Variants in BLTP3B observed in about 807,000 individuals in gnomAD.
The protein encoded by BLTP3B is UHRF1 (ICBP90) binding protein 1-like.
chr12:100,076,245 CATTT>C, the BLTP3B span, among the ~76,000 whole-genome samples: 1 of 151,734 alleles, frequency 6.6e-6, no homozygotes, highest in African/African-American at 2.4e-5. Flanking sequence ...TTATCAGTTT[CATTT>C]ATTTGTTTTA....
the BLTP3B span, among the ~76,000 whole-genome samples, chr12:100,108,042 A>G: frequency 6.6e-5 from 10 of 152,228 alleles, no homozygotes; most frequent in Admixed American, 2.0e-4. Flanking sequence ...ATGCCCAGCA[A>G]CTCACTACAA....
At chr12:100,130,969 G>T in the BLTP3B span, among the ~76,000 whole-genome samples, 13 of 99,034 alleles carry the variant, frequency 1.3e-4, no homozygotes, top group East Asian at 2.4e-4. Context: ...TATAGAGAGA[G>T]AGAGAGAGGG....
At chr12:100,040,532 T>C in the BLTP3B span, among the ~76,000 whole-genome samples, 1 of 151,984 alleles carries the variant, frequency 6.6e-6, no homozygotes, top group East Asian at 1.9e-4. Context: ...GATACAAAAA[T>C]TAACCAGGCA....
the BLTP3B span, among the ~76,000 whole-genome samples, chr12:100,124,936 TTATATATATATATATATATATA>T: frequency 0.067 from 3,773 of 56,558 alleles, 400 homozygotes; most frequent in African/African-American, 0.21. Flanking sequence ...AAAAAAAATT[TTATATATATATATATATATATA>T]TATATATATA....
the BLTP3B span, among the ~76,000 whole-genome samples, chr12:100,089,447 C>A: frequency 1.3e-5 from 2 of 152,064 alleles, no homozygotes; most frequent in Non-Finnish European, 2.9e-5. Context: ...GTAATCCCAG[C>A]TACTTGGGAG....
the BLTP3B span, chr12:100,058,685 A>T: frequency 6.2e-7 from 1 of 1,614,048 alleles, no homozygotes; most frequent in South Asian, 1.1e-5. Flanking sequence ...CTGCACTTCT[A>T]AGTAAAATTC....
At chr12:100,074,418 G>A in the BLTP3B span, among the ~76,000 whole-genome samples, 1 of 152,050 alleles carries the variant, frequency 6.6e-6, no homozygotes, top group Non-Finnish European at 1.5e-5. Flanking sequence ...GGCCAACATG[G>A]CGAAACCCCA....
chr12:100,124,941 T>TATATAC, the BLTP3B span, among the ~76,000 whole-genome samples: 1 of 33,444 alleles, frequency 3.0e-5, no homozygotes, highest in East Asian at 5.8e-4. Context: ...AAATTTTATA[T>TATATAC]ATATATATAT....
the BLTP3B span, chr12:100,084,499 G>A: frequency 6.2e-6 from 10 of 1,613,562 alleles, no homozygotes; most frequent in East Asian, 2.2e-5. Context: ...CTGGGGAGAG[G>A]CATGTGTTGG....
chr12:100,090,492 T>C, the BLTP3B span, among the ~76,000 whole-genome samples: 4 of 152,166 alleles, frequency 2.6e-5, no homozygotes, highest in Non-Finnish European at 4.4e-5. Context: ...ATTAACAATG[T>C]TCAAATTTAG....
the BLTP3B span, chr12:100,039,929 A>G: frequency 3.2e-6 from 2 of 616,758 alleles, no homozygotes; most frequent in Non-Finnish European, 4.7e-6. Flanking sequence ...TAGAACAACC[A>G]GTAAAACCAA....
chr12:100,055,907 G>A, the BLTP3B span, among the ~76,000 whole-genome samples: 4 of 152,102 alleles, frequency 2.6e-5, no homozygotes, highest in Admixed American at 6.6e-5. Context: ...CTTTGGATTC[G>A]TTATTTAACC....
the BLTP3B span, among the ~76,000 whole-genome samples, chr12:100,115,669 T>C: frequency 9.9e-5 from 15 of 151,118 alleles, no homozygotes; most frequent in African/African-American, 2.9e-4. Flanking sequence ...GAGACTGAGG[T>C]AGGAAGATCC....
the BLTP3B span, among the ~76,000 whole-genome samples, chr12:100,139,276 C>A: frequency 1.3e-5 from 2 of 152,202 alleles, no homozygotes; most frequent in South Asian, 4.1e-4. Context: ...ATCTGTTAAT[C>A]TCTTAAGAAC....
the BLTP3B span, among the ~76,000 whole-genome samples, chr12:100,093,162 T>A: frequency 3.9e-5 from 6 of 152,240 alleles, no homozygotes; most frequent in African/African-American, 1.2e-4. Flanking sequence ...TAGGGCCCAG[T>A]GGTCTGTTTG....
chr12:100,084,999 CA>C, the BLTP3B span, among the ~76,000 whole-genome samples: 8 of 151,958 alleles, frequency 5.3e-5, no homozygotes. Flanking sequence ...AAAATATTAT[CA>C]AATAAATAGA....
At chr12:100,128,622 A>G in the BLTP3B span, 3 of 1,285,394 alleles carry the variant, frequency 2.3e-6, no homozygotes, top group Non-Finnish European at 3.0e-6. Flanking sequence ...TTCCTGGTGA[A>G]AGCAAGCAGT....
the BLTP3B span, among the ~76,000 whole-genome samples, chr12:100,126,800 G>A: frequency 6.6e-6 from 1 of 152,174 alleles, no homozygotes; most frequent in Non-Finnish European, 1.5e-5. Flanking sequence ...AATAATTAAT[G>A]AAATCTGGTG....
At chr12:100,064,257 C>T in the BLTP3B span, among the ~76,000 whole-genome samples, 4 of 152,048 alleles carry the variant, frequency 2.6e-5, no homozygotes, top group Admixed American at 2.0e-4. Flanking sequence ...AATAAGAAAA[C>T]ATGAACAAAG....
Sources: gnomAD v4.1 joint callset for allele counts (sites outside exome capture counted in the v4.1 genomes callset) on GRCh38, gnomAD v4.1.1 for gene constraint, MANE v1.5 for transcripts, NCBI Gene and HGNC (gene_info 2026-07-23, HGNC 2026-07-21) for gene names.